DOCK5: variants seen among roughly 807,000 people sequenced by gnomAD.
The protein encoded by DOCK5 is dedicator of cytokinesis 5.
In DOCK5, 142 loss-of-function variants were observed where a neutral mutation model predicts 251.8. The ratio of observed to expected loss-of-function variants is 0.56; its 90% CI spans 0.49 to 0.65. DOCK5 has a LOEUF of 0.65. Among genes scored for constraint, DOCK5 ranks in the 30% least tolerant of loss-of-function variants. DOCK5 has a pLI of 0.00. For missense variants in DOCK5, 2,111 were observed against 2,312.3 expected, an observed-to-expected ratio of 0.91 and a Z score of 1.79; for synonymous variants, 842 against 835.5, an observed-to-expected ratio of 1.01 and a Z score of -0.13.
chr8:25,363,099 T>A lies in DOCK5; in HGVS notation c.3002T>A (p.Val1001Asp). 1 of 1,614,034 alleles carries A rather than the reference T, an allele frequency of 6.2e-7. No individual in the cohort carries two copies. Reference sequence around the variant, plus strand: ...TTCAAGGACCTGATTGGAAAGAATGTCTATGCCAAAGATTGGATGGTGATG... The same window carrying A: ...TTCAAGGACCTGATTGGAAAGAATGACTATGCCAAAGATTGGATGGTGATG... The part of the protein sequence containing the change: ...IMFKDLIGKN[V>D]YAKDWMVMNM... Residue 1001 changes from valine (V) to aspartate (D), a missense_variant, in exon 29 of 52, where the codon GTC (valine) becomes GAC (aspartate). Around this residue, in one of 3 missense-constraint regions of DOCK5, gnomAD observed 1,717 missense variants for 1,892.4 expected, o/e 0.91. Transcript: ENST00000276440.
chr8:25,324,020 T>C, intron 17 of DOCK5, 69 bp downstream of exon 17: 1 of 1,438,750 alleles, frequency 7.0e-7, no homozygotes, highest in Non-Finnish European at 9.3e-7. Context: ...TCCTTTCATA[T>C]TTATTTGTAC....
intron 1 of DOCK5, among the ~76,000 whole-genome samples, chr8:25,191,127 T>A (rs1347539340): frequency 6.6e-6 from 1 of 152,104 alleles, no homozygotes; most frequent in African/African-American, 2.4e-5. Flanking sequence ...TTTTAGTATG[T>A]TCCAGGGACA....
chr8:25,379,184 G>A (rs752277273), intron 38 of DOCK5, among the ~76,000 whole-genome samples: 3 of 152,112 alleles, frequency 2.0e-5, no homozygotes, highest in Admixed American at 6.6e-5. Flanking sequence ...GCAGAGAAGC[G>A]GTCTGACCAA....
chr8:25,306,116 T>G (rs1307337224), intron 11 of DOCK5, among the ~76,000 whole-genome samples: 1 of 152,046 alleles, frequency 6.6e-6, no homozygotes, highest in Non-Finnish European at 1.5e-5. Flanking sequence ...TTGCACTCCA[T>G]CCTGGGTGAC....
chr8:25,221,960 C>T (rs1387227437), intron 1 of DOCK5, among the ~76,000 whole-genome samples: 2 of 152,172 alleles, frequency 1.3e-5, no homozygotes, highest in Non-Finnish European at 2.9e-5. Flanking sequence ...CCAACCAAGA[C>T]TCACCTTCAG....
intron 1 of DOCK5, among the ~76,000 whole-genome samples, chr8:25,203,628 A>T (rs1295066273): frequency 6.6e-6 from 1 of 152,176 alleles, no homozygotes; most frequent in African/African-American, 2.4e-5. Context: ...CTCTGGTGAC[A>T]TTTCGATTCT....
chr8:25,193,609 C>G lies in DOCK5; in HGVS notation c.43+8658C>G, dbSNP rs544847665. On this transcript the variant is annotated intron_variant, in intron 1 of 51. Coordinates refer to ENST00000276440, the MANE Select transcript of DOCK5 (RefSeq NM_024940.8). ...AACCCCGTCTCTACAAAAAAAAATA[C>G]AAAAATTAGCTGGGCATGGTAGCAT... is the stretch of plus-strand genomic sequence containing the variant. 5.9e-5 allele frequency among the ~76,000 whole-genome samples: 9 copies of G among 151,562 alleles called. No individual in the cohort carries two copies. The East Asian group carries it at 1.6e-3, about 26-fold the overall frequency.
Position 25,201,736 on chromosome 8 carries a change from C to T in DOCK5, c.43+16785C>T, listed in dbSNP as rs118019581. On this transcript the variant is annotated intron_variant, in intron 1 of 51. Transcript: ENST00000276440. The stretch of plus-strand genomic sequence containing the variant: ...ATATAAGGCTCTAAGTCAAGTAAGA[C>T]GGAAGGAATAAGATTAGCACACTTC... Among the ~76,000 whole-genome samples the T allele has an allele frequency of 4.7e-4, 71 of 152,226 alleles. 1 individual carries two copies. The East Asian group carries it at 0.01, about 22-fold the overall frequency.
chr8:25,325,223 T>G, intron 17 of DOCK5, 141 bp from the exon 18 acceptor site: 1 of 773,974 alleles, frequency 1.3e-6, no homozygotes, highest in Non-Finnish European at 2.1e-6. Context: ...GATATCAGAG[T>G]ATCTCAGAGG....
intron 4 of DOCK5, chr8:25,277,047 G>A (rs926406514): frequency 6.6e-6 from 1 of 152,640 alleles, no homozygotes; most frequent in Non-Finnish European, 1.5e-5. Flanking sequence ...TTGTCCTTTC[G>A]TTTTTTGAGT....
At chr8:25,365,274 C>T (rs1453975574) in intron 30 of DOCK5, among the ~76,000 whole-genome samples, 2 of 152,194 alleles carry the variant, frequency 1.3e-5, no homozygotes, top group Non-Finnish European at 2.9e-5. Flanking sequence ...CTGGTGAAGG[C>T]AGATAAGTTC....
chr8:25,334,808 G>A (rs1280123358), intron 21 of DOCK5, among the ~76,000 whole-genome samples: 1 of 152,030 alleles, frequency 6.6e-6, no homozygotes, highest in Non-Finnish European at 1.5e-5. Context: ...GGACATCAAG[G>A]AGATCAAACC....
At chr8:25,349,760 T>C (rs1466179320) in intron 26 of DOCK5, among the ~76,000 whole-genome samples, 2 of 152,136 alleles carry the variant, frequency 1.3e-5, no homozygotes, top group African/African-American at 2.4e-5. Flanking sequence ...TTGTGGACTT[T>C]CCGGGGAAAG....
At chr8:25,240,938 G>A (rs962891625) in intron 1 of DOCK5, among the ~76,000 whole-genome samples, 4 of 152,276 alleles carry the variant, frequency 2.6e-5, no homozygotes, top group African/African-American at 9.6e-5. Flanking sequence ...GGTGGATACT[G>A]GCCTTCTCTG....
intron 22 of DOCK5, among the ~76,000 whole-genome samples, chr8:25,337,877 G>C (rs1002852942): frequency 1.3e-5 from 2 of 152,026 alleles, no homozygotes; most frequent in African/African-American, 4.8e-5. Flanking sequence ...GAGCCACTGC[G>C]CCTGGCCCGA....
At position 25,380,605 on chromosome 8, in the gene DOCK5, C is replaced by T. The variant is rs370888041; in HGVS notation, c.4026+211C>T. On this transcript the variant is annotated intron_variant, in intron 39 of 51. Transcript: ENST00000276440. ...ATCCTTCAGAGAAGGTTCAGGACAT[C>T]TCTGGAAGTGGAGTGGGGTTGTCTC... 1.1e-4 allele frequency among the ~76,000 whole-genome samples: 16 copies of T among 152,300 alleles called. No individual in the cohort carries two copies. In the East Asian group the frequency reaches 2.5e-3, roughly 24 times the overall value.
At chr8:25,366,382 T>A (rs768856355) in intron 30 of DOCK5, among the ~76,000 whole-genome samples, 11 of 152,030 alleles carry the variant, frequency 7.2e-5, no homozygotes, top group Non-Finnish European at 1.5e-4. Flanking sequence ...TCCCAGATAC[T>A]CGTCAGGATA....
intron 1 of DOCK5, among the ~76,000 whole-genome samples, chr8:25,190,776 G>GTT (rs71214554): frequency 1.6e-5 from 1 of 63,416 alleles, no homozygotes; most frequent in Non-Finnish European, 2.9e-5. Context: ...TTGGTCATGG[G>GTT]TTTTTTTTTT....
At chr8:25,303,479 C>T (rs1804820664) in intron 10 of DOCK5, among the ~76,000 whole-genome samples, 1 of 152,146 alleles carries the variant, frequency 6.6e-6, no homozygotes, top group African/African-American at 2.4e-5. Context: ...ACATCAAACC[C>T]CAGAACCTGC....
Sources: gnomAD v4.1 joint callset for allele counts (sites outside exome capture counted in the v4.1 genomes callset) on GRCh38, gnomAD v4.1.1 for gene constraint, gnomAD v4.1.1 regional missense constraint, MANE v1.5 for transcripts, NCBI Gene and HGNC (gene_info 2026-07-23, HGNC 2026-07-21) for gene names.